Variants in WDPCP observed in about 807,000 individuals in gnomAD.
WDPCP encodes WD repeat containing planar cell polarity effector.
Under a neutral mutation model 93.1 loss-of-function variants are expected in WDPCP, and 71 were observed. The ratio of observed to expected loss-of-function variants is 0.76; its 90% CI spans 0.63 to 0.93. The LOEUF (loss-of-function observed/expected upper bound fraction) is 0.93, where lower values mean the gene tolerates loss of function less well. Ranked by LOEUF, WDPCP falls within the 40% of genes least tolerant of loss-of-function variation. The pLI, the probability that WDPCP is intolerant of heterozygous loss-of-function variation, is 0.00. For missense variants in WDPCP, 844 were observed against 887.4 expected, an observed-to-expected ratio of 0.95 and a Z score of 0.62; for synonymous variants, 315 against 315.0, an observed-to-expected ratio of 1.00 and a Z score of 0.00.
intron 9 of WDPCP, among the ~76,000 whole-genome samples, chr2:63,406,987 GC>G (rs1242981339): frequency 3.3e-5 from 5 of 152,106 alleles, no homozygotes; most frequent in Admixed American, 6.6e-5. Flanking sequence ...TGCCAAAAAT[GC>G]CGTTATTTGG....
chr2:63,245,035 C>T (rs568964045), intron 14 of WDPCP, among the ~76,000 whole-genome samples: 99 of 152,204 alleles, frequency 6.5e-4, no homozygotes, highest in African/African-American at 2.4e-3. Flanking sequence ...AGTGGAAATT[C>T]TACATCTGAC....
At chr2:63,388,241 G>C (rs1343748156) in intron 10 of WDPCP, among the ~76,000 whole-genome samples, 2 of 152,096 alleles carry the variant, frequency 1.3e-5, no homozygotes, top group Admixed American at 1.3e-4. Context: ...GCCTCGACTG[G>C]TGATACCCAA....
intron 17 of WDPCP, among the ~76,000 whole-genome samples, chr2:63,136,373 C>T (rs1670618445): frequency 6.6e-6 from 1 of 151,770 alleles, no homozygotes; most frequent in Non-Finnish European, 1.5e-5. Flanking sequence ...GGGAAAAAAG[C>T]CCTGCAGGGA....
At chr2:63,544,562 A>C (rs1243512444) in intron 1 of WDPCP, among the ~76,000 whole-genome samples, 1 of 152,150 alleles carries the variant, frequency 6.6e-6, no homozygotes, top group Non-Finnish European at 1.5e-5. Flanking sequence ...TAATAGACAA[A>C]AATGAGAATG....
intron 2 of WDPCP, chr2:63,717,368 G>A (rs1241513103): frequency 1.3e-5 from 6 of 467,400 alleles, no homozygotes; most frequent in Non-Finnish European, 2.1e-5. Context: ...TACATGAAAT[G>A]TCAGTTCTTG....
intron 14 of WDPCP, among the ~76,000 whole-genome samples, chr2:63,258,293 G>T (rs567406259): frequency 1.3e-5 from 2 of 152,220 alleles, no homozygotes; most frequent in South Asian, 4.1e-4. Flanking sequence ...AATCAATCTG[G>T]AACTCTTTCA....
Position 63,747,909 on chromosome 2 carries a change from T to G in WDPCP, n.308+65713A>C, listed in dbSNP as rs143244320. On this transcript the variant is annotated intron_variant and non_coding_transcript_variant, in intron 2 of 4. Transcript: ENST00000467687. ...ATATAGAATCTTCTAGTTCTATTGT[T>G]TCTTAAAAGTTTTGTATATTCTGTT... Among the ~76,000 whole-genome samples, 124 of 152,166 alleles carry G rather than the reference T, an allele frequency of 8.1e-4. 2 individuals carry two copies. The highest frequency in any genetic ancestry group is 2.9e-3 in the African/African-American group (119 of 41,566).
At chr2:63,192,174 C>G (rs1272058741) in intron 14 of WDPCP, among the ~76,000 whole-genome samples, 1 of 152,080 alleles carries the variant, frequency 6.6e-6, no homozygotes, top group Non-Finnish European at 1.5e-5. Context: ...CATTTCACAG[C>G]AAGAATGAAA....
intron 9 of WDPCP, among the ~76,000 whole-genome samples, chr2:63,430,991 T>A (rs149754074): frequency 1.3e-5 from 2 of 152,214 alleles, no homozygotes; most frequent in African/African-American, 4.8e-5. Flanking sequence ...AATCACATAA[T>A]TCAGTCACAG....
chr2:63,406,435 T>C (rs1356990641), intron 9 of WDPCP, among the ~76,000 whole-genome samples: 3 of 152,174 alleles, frequency 2.0e-5, no homozygotes, highest in Non-Finnish European at 2.9e-5. Flanking sequence ...GCTAGGGATA[T>C]GACATTGCAT....
chr2:63,722,781 G>T (rs1575758243), intron 2 of WDPCP, among the ~76,000 whole-genome samples: 2 of 152,138 alleles, frequency 1.3e-5, no homozygotes, highest in East Asian at 3.8e-4. Flanking sequence ...CGTCTGGGAG[G>T]TGTGCCCAAC....
At chr2:63,812,279 G>A (rs981080499) in intron 2 of WDPCP, among the ~76,000 whole-genome samples, 1 of 152,120 alleles carries the variant, frequency 6.6e-6, no homozygotes, top group Non-Finnish European at 1.5e-5. Context: ...GTTCTATTGT[G>A]TATATATACC....
intron 2 of WDPCP, among the ~76,000 whole-genome samples, chr2:63,673,688 T>C (rs1710372440): frequency 6.6e-6 from 1 of 152,174 alleles, no homozygotes; most frequent in East Asian, 1.9e-4. Flanking sequence ...TTTACAGCAT[T>C]TGCTGTGAGG....
At chr2:63,204,092 G>A (rs926187992) in intron 14 of WDPCP, among the ~76,000 whole-genome samples, 3 of 152,144 alleles carry the variant, frequency 2.0e-5, no homozygotes, top group African/African-American at 7.2e-5. Flanking sequence ...GACTCATGTG[G>A]TAGCTCTATT....
intron 3 of WDPCP, among the ~76,000 whole-genome samples, chr2:63,623,297 A>G (rs191527792): frequency 6.8e-4 from 104 of 152,356 alleles, no homozygotes; most frequent in Non-Finnish European, 1.3e-3. Context: ...ATAACCAGCT[A>G]GCATCATAAT....
At position 63,706,487 on chromosome 2, in the gene WDPCP, C is replaced by CATT. The variant is rs1669154512; in HGVS notation, n.309-55650_309-55649insAAT. Among the ~76,000 whole-genome samples the CATT allele has an allele frequency of 7.9e-5, 12 of 151,754 alleles. No individual in the cohort carries two copies. In the South Asian group the frequency reaches 2.5e-3, roughly 32 times the overall value. ...CCTTCAGGAGCTCTTTTAGGGCAGG[C>CATT]CTGGTGGTGACAGAATCTCTCAGCA... On this transcript the variant is annotated intron_variant and non_coding_transcript_variant, in intron 2 of 4. Transcript: ENST00000467687.
chr2:63,457,843 A>G (rs565520627), intron 6 of WDPCP, among the ~76,000 whole-genome samples: 4 of 152,300 alleles, frequency 2.6e-5, no homozygotes, highest in Non-Finnish European at 5.9e-5. Context: ...TTTACTCTAA[A>G]AACTGGAATA....
At chr2:63,694,761 T>C (rs542252540) in intron 2 of WDPCP, among the ~76,000 whole-genome samples, 1 of 152,272 alleles carries the variant, frequency 6.6e-6, no homozygotes, top group East Asian at 1.9e-4. Flanking sequence ...AATTGAAATG[T>C]AGCAGGTATG....
intron 2 of WDPCP, among the ~76,000 whole-genome samples, chr2:63,783,917 A>G (rs948925745): frequency 1.9e-4 from 29 of 152,328 alleles, no homozygotes; most frequent in African/African-American, 7.0e-4. Flanking sequence ...TTAAATTTAT[A>G]CAAATCAAAA....
Sources: gnomAD v4.1 joint callset for allele counts (sites outside exome capture counted in the v4.1 genomes callset) on GRCh38, gnomAD v4.1.1 for gene constraint, MANE v1.5 for transcripts, NCBI Gene and HGNC (gene_info 2026-07-23, HGNC 2026-07-21) for gene names.